Variants in GAS7 observed in about 807,000 individuals in gnomAD.
GAS7 encodes growth arrest-specific protein 7.
In GAS7, 28 loss-of-function variants were observed where a neutral mutation model predicts 71.1. The ratio of observed to expected loss-of-function variants is 0.39; its 90% CI spans 0.29 to 0.54. GAS7 has a LOEUF of 0.54. GAS7 is among the 20% of genes least tolerant of loss of function. GAS7 has a pLI of 0.62. For synonymous variants in GAS7, 258 were observed against 245.8 expected (o/e 1.05, Z -0.46); for missense variants, 436 against 627.8 (o/e 0.69, Z 3.27).
intron 1 of GAS7, among the ~76,000 whole-genome samples, chr17:10,142,913 G>C (rs1358489402): frequency 6.6e-6 from 1 of 152,020 alleles, no homozygotes; most frequent in Non-Finnish European, 1.5e-5. Flanking sequence ...AATCTAGCCT[G>C]TAATCCCCGC....
At chr17:9,941,991 G>A (rs1284039400) in intron 7 of GAS7, among the ~76,000 whole-genome samples, 1 of 152,184 alleles carries the variant, frequency 6.6e-6, no homozygotes, top group Non-Finnish European at 1.5e-5. Context: ...AGTGGCTCAT[G>A]CCTCTAATCC....
At chr17:9,939,351 AAGG>A (rs2068514600) in intron 8 of GAS7, among the ~76,000 whole-genome samples, 1 of 152,154 alleles carries the variant, frequency 6.6e-6, no homozygotes, top group Non-Finnish European at 1.5e-5. Flanking sequence ...GGTCCCACTC[AAGG>A]AGGTCTGGAC....
chr17:9,949,196 G>C (rs2068907668), intron 5 of GAS7, among the ~76,000 whole-genome samples: 1 of 147,192 alleles, frequency 6.8e-6, no homozygotes, highest in Non-Finnish European at 1.5e-5. Context: ...AGCTCTTTGG[G>C]CAGGGGCCAG....
At chr17:10,126,394 G>A (rs1567602288) in intron 1 of GAS7, among the ~76,000 whole-genome samples, 1 of 122,024 alleles carries the variant, frequency 8.2e-6, no homozygotes, top group East Asian at 2.9e-4. Flanking sequence ...TCACGCACAT[G>A]CACACACAAA....
At chr17:10,109,803 C>A (rs1567595485) in intron 1 of GAS7, among the ~76,000 whole-genome samples, 1 of 152,064 alleles carries the variant, frequency 6.6e-6, no homozygotes, top group East Asian at 1.9e-4. Flanking sequence ...CGCCTGTAAT[C>A]CCAGCACTTT....
At chr17:10,040,798 C>G (rs920387734) in intron 1 of GAS7, among the ~76,000 whole-genome samples, 1 of 152,140 alleles carries the variant, frequency 6.6e-6, no homozygotes. Context: ...CTTTTGAGGT[C>G]AGACATGCTA....
At chr17:10,154,913 TACACACACAC>T (rs57604032) in intron 1 of GAS7, among the ~76,000 whole-genome samples, 41,734 of 141,898 alleles carry the variant, frequency 0.29, 6,178 homozygotes, top group African/African-American at 0.36. Context: ...AACCCCAGGC[TACACACACAC>T]ACACACACAC....
chr17:10,004,543 G>A (rs983107720), intron 2 of GAS7, among the ~76,000 whole-genome samples: 4 of 152,042 alleles, frequency 2.6e-5, no homozygotes, highest in Non-Finnish European at 5.9e-5. Flanking sequence ...AGCTTCCTGC[G>A]CTAATGTTGG....
chr17:9,973,854 G>GTTTA (rs770158872), intron 3 of GAS7, among the ~76,000 whole-genome samples: 3 of 152,182 alleles, frequency 2.0e-5, no homozygotes, highest in Non-Finnish European at 4.4e-5. Flanking sequence ...AGGGAACCAT[G>GTTTA]TTTAGTCTGC....
intron 5 of GAS7, among the ~76,000 whole-genome samples, chr17:9,951,759 T>C (rs2069018543): frequency 5.5e-5 from 1 of 18,024 alleles, no homozygotes; most frequent in Non-Finnish European, 9.2e-5. Context: ...AAACTCTGTC[T>C]CAAAAAAAAA....
intron 1 of GAS7, among the ~76,000 whole-genome samples, chr17:10,120,194 G>C (rs1274802749): frequency 7.0e-6 from 1 of 142,634 alleles, no homozygotes; most frequent in Admixed American, 7.3e-5. Flanking sequence ...CCAGGCCCCA[G>C]TAGAAGACAC....
chr17:9,921,815 C>A (rs952005457), intron 11 of GAS7, among the ~76,000 whole-genome samples: 1 of 151,980 alleles, frequency 6.6e-6, no homozygotes. Context: ...AAAAATTAGC[C>A]AGGCGTGGTG....
At position 9,996,256 on chromosome 17, in the gene GAS7, T is replaced by G. The variant is rs192932081; in HGVS notation, c.305-14372A>C. Among the ~76,000 whole-genome samples, 1,376 of 152,088 alleles carry G rather than the reference T, an allele frequency of 9.0e-3. 8 individuals are homozygous for G. Among genetic ancestry groups the G allele is most frequent in the Non-Finnish European group, 0.013 (894 of 67,986 alleles). On this transcript the variant is annotated intron_variant, in intron 2 of 13. Coordinates refer to ENST00000432992, the MANE Select transcript of GAS7 (RefSeq NM_201433.2). Reference sequence around the variant, plus strand: ...CTATGCAGCCATAAAAAAGGATGAGTTCATGTCCTTTGTAGGGACATGGAT... The same window carrying G: ...CTATGCAGCCATAAAAAAGGATGAGGTCATGTCCTTTGTAGGGACATGGAT...
intron 2 of GAS7, among the ~76,000 whole-genome samples, chr17:10,005,086 T>TGC (rs1567879352): frequency 6.6e-6 from 1 of 150,486 alleles, no homozygotes; most frequent in African/African-American, 2.5e-5. Flanking sequence ...TACATGCGTG[T>TGC]GTGCACGCAT....
rs2067601415 is a variant in GAS7 at position 9,916,957 on chromosome 17, C to T, written c.*271G>A. ...GGCAAGGACCACAAAGTTCCAGCCT[C>T]TGTTTGTTTCAGAGCGGCAAGCACA... On this transcript the variant is annotated 3_prime_UTR_variant, in exon 14 of 14. Transcript: ENST00000432992. 2 of 529,852 alleles carry T rather than the reference C, an allele frequency of 3.8e-6. No homozygotes were observed. Among genetic ancestry groups the T allele is most frequent in the East Asian group, 5.7e-5 (2 of 35,156 alleles). 32.8% of individuals were successfully genotyped at this position (529,852 alleles called of 1,614,324 possible).
chr17:10,053,386 A>C (rs1190723626), intron 1 of GAS7, among the ~76,000 whole-genome samples: 3 of 152,246 alleles, frequency 2.0e-5, no homozygotes, highest in African/African-American at 4.8e-5. Context: ...CTATGAAAAC[A>C]GCAGTCTGAG....
At chr17:9,970,766 AG>A (rs1300422817) in intron 3 of GAS7, among the ~76,000 whole-genome samples, 8 of 152,214 alleles carry the variant, frequency 5.3e-5, no homozygotes, top group Admixed American at 5.2e-4. Context: ...TCCAAGGAAC[AG>A]GGGGAGCCCT....
At chr17:10,079,871 C>A (rs1014077448) in intron 1 of GAS7, among the ~76,000 whole-genome samples, 3 of 152,130 alleles carry the variant, frequency 2.0e-5, no homozygotes, top group Admixed American at 1.3e-4. Context: ...ATACACCACG[C>A]ACAATGGCAA....
chr17:9,999,168 A>G (rs1355352496), intron 2 of GAS7, among the ~76,000 whole-genome samples: 1 of 152,214 alleles, frequency 6.6e-6, no homozygotes, highest in African/African-American at 2.4e-5. Context: ...AATTGCTCGC[A>G]TAACTAATCT....
Sources: allele counts gnomAD v4.1 joint callset (sites outside exome capture counted in the v4.1 genomes callset), GRCh38; gene constraint gnomAD v4.1.1; transcripts MANE v1.5; gene names NCBI Gene and HGNC (gene_info 2026-07-23, HGNC 2026-07-21).